Variants in ATP10B observed in about 807,000 individuals in gnomAD.
ATP10B encodes the protein ATPase phospholipid transporting 10B (putative), also known as phospholipid-transporting ATPase VB.
In ATP10B, 122 loss-of-function variants were observed where a neutral mutation model predicts 141.2. That is an observed-to-expected ratio of 0.86 (90% CI 0.75 to 1.00). ATP10B has a LOEUF of 1.00. ATP10B is among the 50% of genes least tolerant of loss of function. ATP10B has a pLI of 0.00. For missense variants in ATP10B, 1,876 were observed against 1,825.3 expected (o/e 1.03, Z -0.51); for synonymous variants, 685 against 692.0 (o/e 0.99, Z 0.16).
chr5:160,873,502 G>A, the ATP10B span, among the ~76,000 whole-genome samples: 1 of 152,210 alleles, frequency 6.6e-6, no homozygotes, highest in East Asian at 1.9e-4. Context: ...TTTAAGAATA[G>A]ACAAAAACAT....
At chr5:160,715,285 C>A (rs140461554) in intron 3 of ATP10B, among the ~76,000 whole-genome samples, 230 of 128,828 alleles carry the variant, frequency 1.8e-3, no homozygotes, top group Non-Finnish European at 3.2e-3. Context: ...GGCGTAGAAC[C>A]CTCTGAGCCA....
intron 6 of ATP10B, among the ~76,000 whole-genome samples, chr5:160,681,016 T>C (rs1763365117): frequency 6.6e-6 from 1 of 152,194 alleles, no homozygotes; most frequent in Non-Finnish European, 1.5e-5. Flanking sequence ...TGAGGAGGGC[T>C]GAATGAAAAG....
At chr5:160,763,921 A>G (rs982916099) in intron 2 of ATP10B, among the ~76,000 whole-genome samples, 7 of 152,284 alleles carry the variant, frequency 4.6e-5, no homozygotes, top group South Asian at 2.1e-4. Context: ...CAAGGCTGCT[A>G]TGAACACCTT....
At chr5:160,809,061 C>T (rs146408529) in intron 1 of ATP10B, among the ~76,000 whole-genome samples, 2 of 152,282 alleles carry the variant, frequency 1.3e-5, no homozygotes, top group East Asian at 3.9e-4. Context: ...TATCCAAATT[C>T]CCCATTTTTA....
intron 24 of ATP10B, among the ~76,000 whole-genome samples, chr5:160,579,182 C>A (rs1755388093): frequency 6.6e-6 from 1 of 152,134 alleles, no homozygotes; most frequent in South Asian, 2.1e-4. Flanking sequence ...AATTAGATCC[C>A]ATTTTCAATT....
At chr5:160,783,503 T>C (rs1770899814) in intron 2 of ATP10B, among the ~76,000 whole-genome samples, 1 of 143,398 alleles carries the variant, frequency 7.0e-6, no homozygotes, top group Admixed American at 7.1e-5. Flanking sequence ...ATATATATCA[T>C]ATATATACTA....
chr5:160,818,065 A>G (rs1388840847), intron 1 of ATP10B, among the ~76,000 whole-genome samples: 2 of 152,190 alleles, frequency 1.3e-5, no homozygotes, highest in African/African-American at 2.4e-5. Context: ...AACCTAGGCA[A>G]TACCATTCAG....
intron 1 of ATP10B, among the ~76,000 whole-genome samples, chr5:160,788,637 T>C (rs1771343487): frequency 6.6e-6 from 1 of 152,182 alleles, no homozygotes; most frequent in Non-Finnish European, 1.5e-5. Flanking sequence ...CTCCTTTCAA[T>C]AGAATGCCCT....
chr5:160,841,276 T>C (rs141664549), intron 1 of ATP10B, among the ~76,000 whole-genome samples: 30 of 152,214 alleles, frequency 2.0e-4, no homozygotes, highest in South Asian at 1.0e-3. Flanking sequence ...GAATGACCTC[T>C]GGGATACATT....
intron 1 of ATP10B, among the ~76,000 whole-genome samples, chr5:160,790,443 C>G (rs1771484873): frequency 6.6e-6 from 1 of 152,176 alleles, no homozygotes; most frequent in Non-Finnish European, 1.5e-5. Flanking sequence ...CTAGAAGTCA[C>G]CAAATTCTGC....
At chr5:160,867,356 C>G in the ATP10B span, among the ~76,000 whole-genome samples, 2 of 151,984 alleles carry the variant, frequency 1.3e-5, no homozygotes, top group African/African-American at 4.8e-5. Context: ...AACTTACTTA[C>G]CTAGCTATAG....
intron 9 of ATP10B, among the ~76,000 whole-genome samples, chr5:160,641,505 C>T (rs1484700748): frequency 6.6e-6 from 1 of 152,214 alleles, no homozygotes; most frequent in African/African-American, 2.4e-5. Context: ...GTAGGGGAAG[C>T]TGAGGGCTAG....
intron 2 of ATP10B, 142 bp downstream of exon 2, chr5:160,785,417 G>GGT: frequency 3.0e-6 from 1 of 333,284 alleles, no homozygotes; most frequent in Non-Finnish European, 5.8e-6. Flanking sequence ...AGATAGCGGT[G>GGT]GTGTTTTTTT....
chr5:160,580,532 G>A (rs1004644870), intron 24 of ATP10B, among the ~76,000 whole-genome samples: 4 of 152,156 alleles, frequency 2.6e-5, no homozygotes, highest in African/African-American at 4.8e-5. Context: ...GGGTGGATAA[G>A]CTTTTTGATG....
In ATP10B at chr5:160,589,157, G is replaced by A. The variant is rs189016947; in HGVS notation, c.3750+435C>T. 1.3e-4 allele frequency among the ~76,000 whole-genome samples: 20 copies of A among 152,056 alleles called. No individual in the cohort carries two copies. In the East Asian group the frequency reaches 2.1e-3, roughly 16 times the overall value. On this transcript the variant is annotated intron_variant, in intron 24 of 25. Coordinates refer to ENST00000327245, the MANE Select transcript of ATP10B (RefSeq NM_025153.3). ...CTCCCGAGTAGCTGTGACCACAGGC[G>A]CCTGCTACCACACCCAACTAATTTT... is the stretch of plus-strand genomic sequence containing the variant.
chr5:160,830,215 TTC>T (rs1265561298), intron 1 of ATP10B, among the ~76,000 whole-genome samples: 5 of 152,164 alleles, frequency 3.3e-5, no homozygotes, highest in African/African-American at 1.2e-4. Context: ...TTGCTTTTAA[TTC>T]TGTTTATGTG....
chr5:160,810,987 A>C (rs1279552466), intron 1 of ATP10B, among the ~76,000 whole-genome samples: 2 of 152,236 alleles, frequency 1.3e-5, no homozygotes, highest in Admixed American at 1.3e-4. Context: ...TCAAAAGTCC[A>C]GTAGGATAGG....
At chr5:160,896,779 T>C in the ATP10B span, among the ~76,000 whole-genome samples, 1 of 152,180 alleles carries the variant, frequency 6.6e-6, no homozygotes, top group African/African-American at 2.4e-5. Context: ...TGAACATCGA[T>C]GTGAAAATCC....
At chr5:160,569,955 T>C (rs545939198) in intron 24 of ATP10B, among the ~76,000 whole-genome samples, 46 of 152,302 alleles carry the variant, frequency 3.0e-4, no homozygotes, top group African/African-American at 1.1e-3. Context: ...TTACCACCTA[T>C]CTAGGTTTTC....
Sources: allele counts gnomAD v4.1 joint callset (sites outside exome capture counted in the v4.1 genomes callset), GRCh38; gene constraint gnomAD v4.1.1; transcripts MANE v1.5; gene names NCBI Gene and HGNC (gene_info 2026-07-23, HGNC 2026-07-21).